Variants in PRKG1 observed in about 807,000 individuals in gnomAD.
PRKG1 encodes protein kinase cGMP-dependent 1, also known as cGMP-dependent protein kinase 1.
A neutral mutation model predicts 88.1 loss-of-function variants in PRKG1; 35 were observed. The ratio of observed to expected loss-of-function variants is 0.40; its 90% CI spans 0.30 to 0.53. The LOEUF (loss-of-function observed/expected upper bound fraction) is 0.53, where lower values mean the gene tolerates loss of function less well. Among genes scored for constraint, PRKG1 ranks in the 20% least tolerant of loss-of-function variants. The pLI, the probability that PRKG1 is intolerant of heterozygous loss-of-function variation, is 0.59. For missense variants in PRKG1, 540 were observed against 839.8 expected (o/e 0.64, Z 4.41); for synonymous variants, 303 against 292.5 (o/e 1.04, Z -0.37).
intron 3 of PRKG1, among the ~76,000 whole-genome samples, chr10:51,572,007 G>A (rs1837767230): frequency 6.6e-6 from 1 of 151,744 alleles, no homozygotes; most frequent in Non-Finnish European, 1.5e-5. Context: ...AGAAAATGGG[G>A]TAAGGATGTC....
intron 2 of PRKG1, among the ~76,000 whole-genome samples, chr10:51,322,467 C>G (rs941015569): frequency 1.3e-5 from 2 of 152,108 alleles, no homozygotes; most frequent in Non-Finnish European, 2.9e-5. Context: ...GACTTGCTTC[C>G]CTGGGCAATT....
At chr10:52,232,241 T>TGCAGTGAGCCGAGATCACGCCATTA (rs1340371210) in intron 9 of PRKG1, among the ~76,000 whole-genome samples, 2 of 151,742 alleles carry the variant, frequency 1.3e-5, no homozygotes, top group Non-Finnish European at 2.9e-5. Flanking sequence ...AGGTGGAGGA[T>TGCAGTGAGCCGAGATCACGCCATTA]GCAGTGAGCC....
chr10:52,122,475 C>T (rs1045655205), intron 7 of PRKG1, among the ~76,000 whole-genome samples: 3 of 152,174 alleles, frequency 2.0e-5, no homozygotes, highest in African/African-American at 7.2e-5. Context: ...TATTACCTTA[C>T]AAAATTACAT....
intron 3 of PRKG1, among the ~76,000 whole-genome samples, chr10:51,784,250 C>T (rs1462601040): frequency 6.6e-6 from 1 of 152,034 alleles, no homozygotes; most frequent in Non-Finnish European, 1.5e-5. Context: ...GGATTGGGCC[C>T]TTCAGCTCTT....
intron 8 of PRKG1, among the ~76,000 whole-genome samples, chr10:52,159,745 T>C (rs1838230159): frequency 6.6e-6 from 1 of 151,854 alleles, no homozygotes; most frequent in Admixed American, 6.6e-5. Flanking sequence ...TTAATTCAAA[T>C]AGATAATAGA....
chr10:52,284,438 T>C (rs1290862501), intron 14 of PRKG1, among the ~76,000 whole-genome samples: 2 of 151,478 alleles, frequency 1.3e-5, no homozygotes, highest in Non-Finnish European at 2.9e-5. Flanking sequence ...TAAAAAAATC[T>C]TTACTTTTCC....
chr10:51,596,218 T>C (rs1838444990), intron 3 of PRKG1, among the ~76,000 whole-genome samples: 1 of 152,198 alleles, frequency 6.6e-6, no homozygotes, highest in Non-Finnish European at 1.5e-5. Flanking sequence ...CTGAATATTT[T>C]ATTCCCAGTA....
chr10:52,108,825 C>CTTTTT (rs61504053), intron 7 of PRKG1, among the ~76,000 whole-genome samples: 3 of 122,724 alleles, frequency 2.4e-5, no homozygotes, highest in African/African-American at 6.3e-5. Flanking sequence ...ACAAGTATTC[C>CTTTTT]TTTTTTTTTT....
chr10:51,222,178 G>A (rs1261962248), intron 2 of PRKG1, among the ~76,000 whole-genome samples: 1 of 136,634 alleles, frequency 7.3e-6, no homozygotes, highest in African/African-American at 2.6e-5. Flanking sequence ...GAGCCACCGC[G>A]CCCAGCCTGT....
At chr10:52,146,853 A>G (rs1837742411) in intron 8 of PRKG1, among the ~76,000 whole-genome samples, 1 of 152,222 alleles carries the variant, frequency 6.6e-6, no homozygotes, top group African/African-American at 2.4e-5. Context: ...GAATCATTAT[A>G]CAGTTTACTC....
At chr10:52,107,876 T>G (rs764918945) in intron 7 of PRKG1, among the ~76,000 whole-genome samples, 4 of 152,204 alleles carry the variant, frequency 2.6e-5, no homozygotes, top group Non-Finnish European at 5.9e-5. Flanking sequence ...GAAGGTATGA[T>G]TAACTTTGTG....
chr10:51,363,270 T>A (rs1439269196), intron 2 of PRKG1, among the ~76,000 whole-genome samples: 1 of 150,562 alleles, frequency 6.6e-6, no homozygotes, highest in Non-Finnish European at 1.5e-5. Context: ...GTAAAAAAAA[T>A]TTTTGGAGAC....
chr10:51,885,095 A>G (rs1173069913), intron 4 of PRKG1, among the ~76,000 whole-genome samples: 1 of 152,198 alleles, frequency 6.6e-6, no homozygotes, highest in Non-Finnish European at 1.5e-5. Context: ...TTTCATTTTT[A>G]TAACTTACTC....
intron 3 of PRKG1, among the ~76,000 whole-genome samples, chr10:51,598,061 A>G (rs1042178232): frequency 6.6e-6 from 1 of 152,228 alleles, no homozygotes; most frequent in Non-Finnish European, 1.5e-5. Context: ...AAGTAGCTGC[A>G]TAGGCCTTAC....
rs139363228 is a variant in PRKG1, at chr10:52,023,940, G to C, written c.763-30544G>C. Among the ~76,000 whole-genome samples the C allele has an allele frequency of 5.0e-3, 758 of 152,214 alleles. 4 individuals carry two copies. The highest frequency in any genetic ancestry group is 0.017 in the African/African-American group (699 of 41,524). Reference sequence around the variant, plus strand: ...AATTAAATCCCATTTGTCTATTTTAGCTTTTGTTGTCATTGCTTTTGGTGG... The same window carrying C: ...AATTAAATCCCATTTGTCTATTTTACCTTTTGTTGTCATTGCTTTTGGTGG... On this transcript the variant is annotated intron_variant, in intron 5 of 17. Coordinates refer to ENST00000373980, the MANE Select transcript of PRKG1 (RefSeq NM_006258.4).
chr10:51,895,209 C>T lies in PRKG1; in HGVS notation c.699-12298C>T, dbSNP rs147716555. Reference sequence around the variant, plus strand: ...TTAAGGCTTACATAGAGAAGGGCAGCGTTTGGCTGTTTTTCTTAGCAAGAG... The same window carrying T: ...TTAAGGCTTACATAGAGAAGGGCAGTGTTTGGCTGTTTTTCTTAGCAAGAG... On this transcript the variant is annotated intron_variant, in intron 4 of 17. Coordinates refer to ENST00000373980, the MANE Select transcript of PRKG1 (RefSeq NM_006258.4). Among the ~76,000 whole-genome samples the T allele has an allele frequency of 5.3e-5, 8 of 152,272 alleles. No homozygotes were observed. In the South Asian group the frequency reaches 6.2e-4, roughly 12 times the overall value.
chr10:51,696,088 G>C (rs117456834), intron 3 of PRKG1: 1 of 152,082 alleles, frequency 6.6e-6, no homozygotes, highest in East Asian at 1.9e-4. Flanking sequence ...TGTATATTAG[G>C]ACTAAATGGC....
At chr10:51,907,020 AT>A (rs1246315819) in intron 4 of PRKG1, among the ~76,000 whole-genome samples, 2 of 152,088 alleles carry the variant, frequency 1.3e-5, no homozygotes, top group East Asian at 3.9e-4. Context: ...TTCTATTTGA[AT>A]GTTAATTCTA....
intron 2 of PRKG1, among the ~76,000 whole-genome samples, chr10:51,404,487 A>G (rs1837849819): frequency 6.6e-6 from 1 of 152,236 alleles, no homozygotes; most frequent in Non-Finnish European, 1.5e-5. Context: ...AAGTGGAAAT[A>G]TCAACTACCT....
Sources: gnomAD v4.1 joint callset for allele counts (sites outside exome capture counted in the v4.1 genomes callset) on GRCh38, gnomAD v4.1.1 for gene constraint, MANE v1.5 for transcripts, NCBI Gene and HGNC (gene_info 2026-07-23, HGNC 2026-07-21) for gene names.